DNAH12: variants seen among roughly 807,000 people sequenced by gnomAD.
The protein encoded by DNAH12 is axonemal beta dynein heavy chain 12.
A neutral mutation model predicts 371.5 loss-of-function variants in DNAH12; 285 were observed. The ratio of observed to expected loss-of-function variants is 0.77; its 90% CI spans 0.70 to 0.85. The LOEUF (loss-of-function observed/expected upper bound fraction) is 0.85. Ranked by LOEUF, DNAH12 falls within the 40% of genes least tolerant of loss-of-function variation. The probability of loss-of-function intolerance (pLI) is 0.00; values close to 1 mark genes in which losing one functional copy is unlikely to be tolerated. For missense variants in DNAH12, 3,611 were observed against 3,689.4 expected, an observed-to-expected ratio of 0.98 and a Z score of 0.55; for synonymous variants, 1,200 against 1,213.0, an observed-to-expected ratio of 0.99 and a Z score of 0.22.
chr3:57,393,625 C>CAAAAAAAA (rs1180952196), intron 44 of DNAH12, among the ~76,000 whole-genome samples: 57 of 64,228 alleles, frequency 8.9e-4, no homozygotes, highest in African/African-American at 2.7e-3. Context: ...GACTCTGTCT[C>CAAAAAAAA]AAAAAAAAAA....
At chr3:57,384,608 C>T (rs2063464457) in intron 49 of DNAH12, among the ~76,000 whole-genome samples, 1 of 152,104 alleles carries the variant, frequency 6.6e-6, no homozygotes, top group Non-Finnish European at 1.5e-5. Flanking sequence ...TGCACTACTG[C>T]ACTCCAGCTT....
At chr3:57,509,957 G>T (rs1025090944) in intron 5 of DNAH12, among the ~76,000 whole-genome samples, 1 of 147,040 alleles carries the variant, frequency 6.8e-6, no homozygotes, top group Non-Finnish European at 1.5e-5. Flanking sequence ...ATTGTCAAGA[G>T]TAGATTTTAT....
intron 25 of DNAH12, 60 bp from the exon 26 acceptor site, chr3:57,446,749 A>C (rs1247697078): frequency 7.4e-7 from 1 of 1,359,256 alleles, no homozygotes. Context: ...AACAACAGAC[A>C]CTTGTTTACC....
In DNAH12 at chr3:57,322,888, C is replaced by T. The variant is rs180913893; in HGVS notation, c.10383+119G>A. The T allele has an allele frequency of 2.7e-5, 37 of 1,382,394 alleles. No homozygotes were observed. In the African/African-American group the frequency reaches 4.7e-4, roughly 17 times the overall value. The allele number at this position is 1,382,394 out of a possible 1,614,324, so 85.6% of individuals were successfully genotyped here. Reference sequence around the variant, plus strand: ...AAGTTTGCGGTGAGCCGAAATTGCGCCACTGCACTCCAGCCTGGGAGACAG... The same window carrying T: ...AAGTTTGCGGTGAGCCGAAATTGCGTCACTGCACTCCAGCCTGGGAGACAG... On this transcript the variant is annotated intron_variant, in intron 64 of 73. Coordinates refer to ENST00000495027, the MANE Select transcript of DNAH12 (RefSeq NM_001366028.2).
chr3:57,367,012 A>G (rs1484787181), intron 56 of DNAH12, 91 bp from the exon 57 acceptor site: 1 of 152,206 alleles, frequency 6.6e-6, no homozygotes, highest in Non-Finnish European at 1.5e-5. Context: ...GGTTACAAAT[A>G]AACGGTCCTA....
chr3:57,429,090 A>T (rs1305490311), intron 33 of DNAH12, among the ~76,000 whole-genome samples: 1 of 152,128 alleles, frequency 6.6e-6, no homozygotes, highest in Non-Finnish European at 1.5e-5. Context: ...GAAGTCTTAC[A>T]TCTTCCTCAA....
intron 17 of DNAH12, among the ~76,000 whole-genome samples, chr3:57,465,303 T>C (rs2066168835): frequency 6.6e-6 from 1 of 152,088 alleles, no homozygotes; most frequent in Non-Finnish European, 1.5e-5. Context: ...AAACAAAACG[T>C]CAGGCTAAAT....
In DNAH12 at chr3:57,467,139, T is replaced by G. The variant is rs527621303; in HGVS notation, c.2349+1597A>C. 1.6e-4 allele frequency among the ~76,000 whole-genome samples: 25 copies of G among 152,118 alleles called. No homozygotes were observed. The East Asian group carries it at 4.9e-3, about 30-fold the overall frequency. ...TCTATCAAGGTTTTTTTGAGTAATT[T>G]TGGAGTCTCGCTCTATTGCCCAGAC... On this transcript the variant is annotated intron_variant, in intron 17 of 73. Coordinates refer to ENST00000495027, the MANE Select transcript of DNAH12 (RefSeq NM_001366028.2).
intron 69 of DNAH12, among the ~76,000 whole-genome samples, chr3:57,302,567 A>ATATATATATATATATATATTTTTTTTT (rs2061380979): frequency 3.6e-5 from 1 of 27,480 alleles, no homozygotes; most frequent in Non-Finnish European, 6.3e-5. Flanking sequence ...ATATATATGT[A>ATATATATATATATATATATTTTTTTTT]TTTTTTTTTT....
At position 57,413,882 on chromosome 3, in the gene DNAH12, G is replaced by A. The variant is rs144837963; in HGVS notation, c.5884C>T (p.Arg1962Cys). Residue 1962 changes from arginine (R) to cysteine (C), a missense_variant, in exon 39 of 74, where the codon CGC becomes TGC. This residue lies in a region of DNAH12 where 2,266 missense variants were observed against 2,236.9 expected (regional missense o/e 1.01). Coordinates refer to ENST00000495027, the MANE Select transcript of DNAH12 (RefSeq NM_001366028.2). ...ATAGGTGGTCCAAAGACTCCTTTGC[G>A]TCTTTTATCCAATCTAGCCATGATA... is the stretch of plus-strand genomic sequence containing the variant. Reference protein sequence around the residue: ...NIIMARLDKRRKGVFGPPMGK... With the variant: ...NIIMARLDKRCKGVFGPPMGK... 1.8e-4 allele frequency: 279 copies of A among 1,550,620 alleles called. 1 individual carries two copies. Among genetic ancestry groups the A allele is most frequent in the African/African-American group, 7.7e-4 (56 of 73,066 alleles).
chr3:57,346,447 G>A (rs571487876), intron 60 of DNAH12, among the ~76,000 whole-genome samples: 124 of 152,120 alleles, frequency 8.2e-4, no homozygotes, highest in Non-Finnish European at 1.2e-3. Context: ...AAAAAAGTAA[G>A]TATAATTGAT....
In DNAH12 at chr3:57,542,757, A is replaced by T. The variant is rs1434320806; in HGVS notation, c.114T>A (p.Ser38Arg). The change falls in exon 2 of 74, where the codon AGT becomes AGA. Residue 38 changes from serine to arginine, a missense_variant. Ser to Arg is a moderately radical substitution (Grantham distance 110, BLOSUM62 -1). Transcript: ENST00000495027. ...TGGATCTTCTGTATTTTAGCAGCTT[A>T]CTTTGTGTTGGTGTATCAACGCCTA... ...ENIGVDTPTQ[S>R]KLLKYRRSKE... 1 of 1,612,062 alleles carries T rather than the reference A, an allele frequency of 6.2e-7. No homozygotes were observed. Among genetic ancestry groups the T allele is most frequent in the African/African-American group, 1.3e-5 (1 of 74,714 alleles).
At position 57,408,518 on chromosome 3, in the gene DNAH12, G is replaced by C; in HGVS notation, c.6038C>G (p.Thr2013Arg). 1 of 1,547,612 alleles carries C rather than the reference G, an allele frequency of 6.5e-7. No homozygotes were observed. The highest frequency in any genetic ancestry group is 1.2e-5 in the South Asian group (1 of 83,076). The change falls in exon 40 of 74, where the codon ACA (threonine) becomes AGA (arginine). Residue 2013 changes from threonine to arginine, a missense_variant. Around this residue, in one of 3 missense-constraint regions of DNAH12, gnomAD observed 2,266 missense variants for 2,236.9 expected, o/e 1.01. Coordinates refer to ENST00000495027, the MANE Select transcript of DNAH12 (RefSeq NM_001366028.2). Reference sequence around the variant, plus strand: ...TATGTCCACCAGCGTGATTTTACTTGTGTCCTTAAGGTCGTACCTTAGAAA... The same window carrying C: ...TATGTCCACCAGCGTGATTTTACTTCTGTCCTTAAGGTCGTACCTTAGAAA... The part of the protein sequence containing the change: ...DCGHWYDLKD[T>R]SKITLVDIEL...
chr3:57,522,564 CA>C (rs2068489666), intron 4 of DNAH12, among the ~76,000 whole-genome samples: 1 of 151,986 alleles, frequency 6.6e-6, no homozygotes, highest in South Asian at 2.1e-4. Flanking sequence ...TTTTAAAAAC[CA>C]AAACCAAAAC....
intron 62 of DNAH12, among the ~76,000 whole-genome samples, chr3:57,333,468 C>CT (rs2062154560): frequency 6.6e-6 from 1 of 151,620 alleles, no homozygotes; most frequent in African/African-American, 2.4e-5. Context: ...ATAGCTGGGA[C>CT]TACAGGCATG....
chr3:57,475,058 A>G (rs1436754277), intron 13 of DNAH12, among the ~76,000 whole-genome samples: 1 of 152,180 alleles, frequency 6.6e-6, no homozygotes. Flanking sequence ...TGGTCTCTTC[A>G]ATAAATATGT....
intron 12 of DNAH12, among the ~76,000 whole-genome samples, chr3:57,486,278 A>C (rs1221546970): frequency 6.6e-6 from 1 of 152,118 alleles, no homozygotes; most frequent in East Asian, 1.9e-4. Context: ...TTCTTTTAAA[A>C]AAATATCTAG....
intron 25 of DNAH12, among the ~76,000 whole-genome samples, chr3:57,451,902 G>T (rs1242868956): frequency 6.6e-6 from 1 of 152,300 alleles, no homozygotes; most frequent in Admixed American, 6.5e-5. Flanking sequence ...GGTGAGTGGG[G>T]AGAAGTAATG....
chr3:57,397,462 T>G (rs909010653), intron 43 of DNAH12, among the ~76,000 whole-genome samples: 1 of 152,188 alleles, frequency 6.6e-6, no homozygotes, highest in Non-Finnish European at 1.5e-5. Flanking sequence ...GAGCCCAGAA[T>G]ACTGGCTTGT....
Sources: gnomAD v4.1 joint callset for allele counts (sites outside exome capture counted in the v4.1 genomes callset) on GRCh38, gnomAD v4.1.1 for gene constraint, gnomAD v4.1.1 regional missense constraint, MANE v1.5 for transcripts, NCBI Gene and HGNC (gene_info 2026-07-23, HGNC 2026-07-21) for gene names.